The following IL4 variants were observed in gnomAD, a reference collection of about 807,000 sequenced individuals.
IL4 encodes the protein interleukin-4.
A neutral mutation model predicts 17.4 loss-of-function variants in IL4; 10 were observed. The observed-to-expected ratio is 0.57, with a 90% CI of 0.35 to 0.97. The LOEUF is 0.97. Among genes scored for constraint, IL4 ranks in the 50% least tolerant of loss-of-function variants. The probability of loss-of-function intolerance (pLI) is 0.01; values close to 1 mark genes in which losing one functional copy is unlikely to be tolerated. For synonymous variants in IL4, 87 were observed against 79.0 expected, an observed-to-expected ratio of 1.10 and a Z score of -0.54; for missense variants, 174 against 187.7, an observed-to-expected ratio of 0.93 and a Z score of 0.43.
Position 132,680,025 on chromosome 5 carries a change from G to A in IL4, c.360+135G>A, listed in dbSNP as rs1752456542. On this transcript the variant is annotated intron_variant, in intron 3 of 3. Coordinates refer to ENST00000231449, the MANE Select transcript of IL4 (RefSeq NM_000589.4). The surrounding 1 kb of genome is among the most constrained non-coding windows in gnomAD (Gnocchi z 4.3). ...TCATTCACTCATTCAATAAGTATTT[G>A]CTGAAGTTCCACAAGTGCTGGGTGT... is the stretch of plus-strand genomic sequence containing the variant. 7 of 776,428 alleles carry A rather than the reference G, an allele frequency of 9.0e-6. No homozygotes were observed. Among genetic ancestry groups the A allele is most frequent in the Non-Finnish European group, 1.4e-5 (7 of 493,384 alleles). The allele number at this position is 776,428 out of a possible 1,614,324, so 48.1% of individuals were successfully genotyped here.
chr5:132,674,403 C>T (rs1752340119), intron 1 of IL4, 56 bp from the exon 2 acceptor site: 7 of 1,557,476 alleles, frequency 4.5e-6, no homozygotes, highest in Non-Finnish European at 6.2e-6. Context: ...AAGGACTTCT[C>T]TGTCCGGTTG....
intron 2 of IL4, among the ~76,000 whole-genome samples, chr5:132,678,060 G>T (rs2149880375): frequency 6.6e-6 from 1 of 152,336 alleles, no homozygotes; most frequent in East Asian, 1.9e-4. Context: ...CTGGGATTCT[G>T]GTGCCTCAGT....
intron 3 of IL4, among the ~76,000 whole-genome samples, chr5:132,682,018 G>A (rs1752497477): frequency 6.6e-6 from 1 of 152,142 alleles, no homozygotes. Context: ...TGGCCTGGGG[G>A]TAGCATCTGG....
At position 132,674,592 on chromosome 5, in the gene IL4, G is replaced by C. The variant is rs1011256570; in HGVS notation, c.183+86G>C. 4 of 1,091,428 alleles carry C rather than the reference G, an allele frequency of 3.7e-6. No individual in the cohort carries two copies. The Admixed American group carries it at 7.1e-5, about 19-fold the overall frequency. The allele number at this position is 1,091,428 out of a possible 1,614,324, so 67.6% of individuals were successfully genotyped here. The stretch of plus-strand genomic sequence containing the variant: ...ACAAGAAACTTGTCTAATGGAAAAC[G>C]AGCGGGCCCAAATTAACTCTAAGGT... On this transcript the variant is annotated intron_variant, in intron 2 of 3. Transcript: ENST00000231449.
intron 3 of IL4, among the ~76,000 whole-genome samples, chr5:132,681,329 C>T (rs1752484033): frequency 6.6e-6 from 1 of 152,092 alleles, no homozygotes; most frequent in Non-Finnish European, 1.5e-5. Flanking sequence ...GGAGGGTTGA[C>T]TGTGTCAAAT....
At position 132,679,748 on chromosome 5, in the gene IL4, CGACTGTGCTCCG is replaced by C; in HGVS notation, c.220_231del (p.Thr74_Arg77del). 1.2e-6 allele frequency: 2 copies of C among 1,613,962 alleles called. No individual in the cohort carries two copies. Among genetic ancestry groups the C allele is most frequent in the Non-Finnish European group, 1.7e-6 (2 of 1,179,906 alleles). On this transcript the variant is annotated inframe_deletion, in exon 3 of 4. Coordinates refer to ENST00000231449, the MANE Select transcript of IL4 (RefSeq NM_000589.4). The stretch of plus-strand genomic sequence containing the variant: ...GAGAAGGAAACCTTCTGCAGGGCTG[CGACTGTGCTCCG>C]GCAGTTCTACAGCCACCATGAGAAG...
At position 132,675,929 on chromosome 5, in the gene IL4, A is replaced by G. The variant is rs9327637; in HGVS notation, c.183+1423A>G. On this transcript the variant is annotated intron_variant, in intron 2 of 3. Transcript: ENST00000231449. ...TGTGTATGTATATATGTGTATGTATATGTGTGTGTGTGTGTGTGTGTGTGT... is the reference window on the plus strand; with the variant it reads ...TGTGTATGTATATATGTGTATGTATGTGTGTGTGTGTGTGTGTGTGTGTGT... 2.7e-3 allele frequency among the ~76,000 whole-genome samples: 381 copies of G among 141,022 alleles called. 1 individual carries two copies. The highest frequency in any genetic ancestry group is 6.9e-3 in the African/African-American group (255 of 36,730). 92.5% of individuals were successfully genotyped at this position (141,022 alleles called of 152,430 possible).
At position 132,679,694 on chromosome 5, in the gene IL4, T is replaced by C; in HGVS notation, c.184-20T>C. The C allele has an allele frequency of 6.3e-7, 1 of 1,595,454 alleles. No homozygotes were observed. Among genetic ancestry groups the C allele is most frequent in the Non-Finnish European group, 8.6e-7 (1 of 1,168,388 alleles). ...CAAATGGAGCTGGCACATTGCTATC[T>C]GTGGCATTTGTCTTTCCAGAACACA... On this transcript the variant is annotated intron_variant, in intron 2 of 3. Transcript: ENST00000231449.
At chr5:132,676,652 T>G (rs1236923704) in intron 2 of IL4, among the ~76,000 whole-genome samples, 1 of 152,208 alleles carries the variant, frequency 6.6e-6, no homozygotes, top group Non-Finnish European at 1.5e-5. Flanking sequence ...CTTCACTCTT[T>G]TCTTCCCCTC....
At chr5:132,676,025 C>G (rs1752378642) in intron 2 of IL4, among the ~76,000 whole-genome samples, 1 of 151,306 alleles carries the variant, frequency 6.6e-6, no homozygotes, top group Non-Finnish European at 1.5e-5. Context: ...GGGTTGAGCA[C>G]TGGGTCTCTG....
At chr5:132,682,347 C>A in intron 3 of IL4, 139 bp from the exon 4 acceptor site, 1 of 570,982 alleles carries the variant, frequency 1.8e-6, no homozygotes, top group South Asian at 2.3e-5. Flanking sequence ...GTGATAGAGA[C>A]AACTCCCAGT....
intron 2 of IL4, among the ~76,000 whole-genome samples, chr5:132,678,180 G>A (rs913640081): frequency 2.0e-5 from 3 of 152,176 alleles, no homozygotes; most frequent in Non-Finnish European, 2.9e-5. Flanking sequence ...ACTCACTGCC[G>A]CTTATTTACA....
In IL4 at chr5:132,674,244, A is replaced by G. The variant is rs564096596; in HGVS notation, c.135+59A>G. The G allele has an allele frequency of 5.0e-6, 8 of 1,587,614 alleles. No homozygotes were observed. In the Admixed American group the frequency reaches 1.2e-4, roughly 23 times the overall value. On this transcript the variant is annotated intron_variant, in intron 1 of 3. Transcript: ENST00000231449. The stretch of plus-strand genomic sequence containing the variant: ...TTCTGGTGATGCTCTCAGTATTTCT[A>G]GGCATGAAAACGTTAACAGCTGCTA...
chr5:132,675,911 G>GTA (rs1561676279), intron 2 of IL4, among the ~76,000 whole-genome samples: 1 of 118,918 alleles, frequency 8.4e-6, no homozygotes, highest in Non-Finnish European at 1.7e-5. Context: ...ATGTGTGTAT[G>GTA]TATATATGTG....
At chr5:132,676,363 C>T (rs1428568785) in intron 2 of IL4, among the ~76,000 whole-genome samples, 2 of 152,096 alleles carry the variant, frequency 1.3e-5, no homozygotes, top group Non-Finnish European at 1.5e-5. Flanking sequence ...TGCAGAGAAG[C>T]GATGATTCTA....
chr5:132,679,883 C>T lies in IL4; in HGVS notation c.353C>T (p.Ala118Val), dbSNP rs149950065. 1.7e-5 allele frequency: 28 copies of T among 1,611,084 alleles called. No homozygotes were observed. Among genetic ancestry groups the T allele is most frequent in the Admixed American group, 6.7e-5 (4 of 59,490 alleles). ...CTCGACAGGAACCTCTGGGGCCTGGCGGGCTTGGTAAGCTGCACTGTATTC... is the reference window on the plus strand; with the variant it reads ...CTCGACAGGAACCTCTGGGGCCTGGTGGGCTTGGTAAGCTGCACTGTATTC... ...KRLDRNLWGL[A>V]GLNSCPVKEA... The change falls in exon 3 of 4, where the codon GCG becomes GTG. Residue 118 changes from alanine to valine, a missense_variant. By Grantham distance (64) the Ala-to-Val change is moderately conservative (BLOSUM62 0). Coordinates refer to ENST00000231449, the MANE Select transcript of IL4 (RefSeq NM_000589.4).
In IL4 at chr5:132,680,799, C is replaced by A. The variant is rs1159051480; in HGVS notation, c.360+909C>A. Among the ~76,000 whole-genome samples, 1 of 152,082 alleles carries A rather than the reference C, an allele frequency of 6.6e-6. No individual in the cohort carries two copies. Among genetic ancestry groups the A allele is most frequent in the Non-Finnish European group, 1.5e-5 (1 of 68,034 alleles). On this transcript the variant is annotated intron_variant, in intron 3 of 3. Transcript: ENST00000231449. This position sits in a 1 kb window ranked among gnomAD's most constrained non-coding sequence, Gnocchi z 4.3. Reference sequence around the variant, plus strand: ...GATGGTGGCGTGGACAGAATGGGAGCAGTTGAGGTGAACAGATTTGGGATA... The same window carrying A: ...GATGGTGGCGTGGACAGAATGGGAGAAGTTGAGGTGAACAGATTTGGGATA...
rs1752339493 is a variant in IL4 at position 132,674,371 on chromosome 5, G to A, written c.136-88G>A. The A allele has an allele frequency of 3.5e-6, 5 of 1,410,002 alleles. No homozygotes were observed. In the Middle Eastern group the frequency reaches 7.1e-4, roughly 200 times the overall value. The allele number at this position is 1,410,002 out of a possible 1,614,324, so 87.3% of individuals were successfully genotyped here. A position where few individuals can be genotyped will look rare whatever the true frequency, so the allele number is the denominator to read the frequency against. ...GGTTTGTAGGAAGTTTCCTCAGTTG[G>A]AGGGAGTGAGAGCTGCTCATCAAGG... On this transcript the variant is annotated intron_variant, in intron 1 of 3. Coordinates refer to ENST00000231449, the MANE Select transcript of IL4 (RefSeq NM_000589.4).
chr5:132,675,885 G>A (rs925111471), intron 2 of IL4, among the ~76,000 whole-genome samples: 45 of 142,122 alleles, frequency 3.2e-4, no homozygotes, highest in Admixed American at 2.2e-3. Context: ...GTGTATATAT[G>A]TGTGTGTGTA....
Sources: gnomAD v4.1 joint callset for allele counts (sites outside exome capture counted in the v4.1 genomes callset) on GRCh38, gnomAD v4.1.1 for gene constraint, Gnocchi (gnomAD v3.1) non-coding constraint, MANE v1.5 for transcripts, NCBI Gene and HGNC (gene_info 2026-07-23, HGNC 2026-07-21) for gene names.